The following KLHL2 variants were observed in gnomAD, a reference collection of about 807,000 sequenced individuals.
KLHL2 encodes the protein kelch like family member 2.
In KLHL2, 15 loss-of-function variants were observed where a neutral mutation model predicts 75.8. That is an observed-to-expected ratio of 0.20 (90% CI 0.13 to 0.30). KLHL2 has a LOEUF of 0.30. KLHL2 is among the 10% of genes least tolerant of loss of function. The pLI is 1.00. For synonymous variants in KLHL2, 214 were observed against 251.9 expected, an observed-to-expected ratio of 0.85 and a Z score of 1.42; for missense variants, 381 against 741.0, an observed-to-expected ratio of 0.51 and a Z score of 5.64.
At chr4:165,312,372 A>G (rs1207400736) in intron 11 of KLHL2, among the ~76,000 whole-genome samples, 4 of 152,208 alleles carry the variant, frequency 2.6e-5, no homozygotes, top group South Asian at 4.1e-4. Context: ...ATTTATTTAT[A>G]TCCTACTTTG....
chr4:165,271,464 T>C (rs1009047199), intron 5 of KLHL2, among the ~76,000 whole-genome samples: 1 of 152,218 alleles, frequency 6.6e-6, no homozygotes, highest in Non-Finnish European at 1.5e-5. Context: ...TCATTGTTCG[T>C]GTGTAGCAGT....
chr4:165,211,302 C>A (rs988432711), intron 1 of KLHL2, among the ~76,000 whole-genome samples: 1 of 152,128 alleles, frequency 6.6e-6, no homozygotes, highest in African/African-American at 2.4e-5. Flanking sequence ...ATTTTAGTAT[C>A]CTTCCTCAAA....
Position 165,303,502 on chromosome 4 carries a change from C to T in KLHL2, c.922-2106C>T, listed in dbSNP as rs958634034. Among the ~76,000 whole-genome samples the T allele has an allele frequency of 2.5e-4, 37 of 147,530 alleles. 2 individuals carry two copies. The highest frequency in any genetic ancestry group is 8.0e-4 in the Admixed American group (12 of 14,926). On this transcript the variant is annotated intron_variant, in intron 8 of 14. Coordinates refer to ENST00000226725, the MANE Select transcript of KLHL2 (RefSeq NM_007246.4). Reference sequence around the variant, plus strand: ...GTAATTTTTACAACCTTGCCCCCCCCGCCGTTTTTGGGTGGTCAGAGGTGA... The same window carrying T: ...GTAATTTTTACAACCTTGCCCCCCCTGCCGTTTTTGGGTGGTCAGAGGTGA...
At chr4:165,254,843 G>A (rs924526130) in intron 4 of KLHL2, among the ~76,000 whole-genome samples, 3 of 152,162 alleles carry the variant, frequency 2.0e-5, no homozygotes, top group Admixed American at 6.5e-5. Context: ...ATCAAAAAAG[G>A]AAGCTACCTA....
At chr4:165,320,214 A>G (rs10015240) in intron 14 of KLHL2, among the ~76,000 whole-genome samples, 69,017 of 152,010 alleles carry the variant, frequency 0.45, 16,257 homozygotes, top group African/African-American at 0.55. Flanking sequence ...GAAAGGGATA[A>G]GCTAACTCTA....
intron 5 of KLHL2, among the ~76,000 whole-genome samples, chr4:165,271,078 AATGTCATGCCTCTAG>A (rs1304879299): frequency 6.6e-6 from 1 of 152,198 alleles, no homozygotes; most frequent in Non-Finnish European, 1.5e-5. Flanking sequence ...GAAGTCAGGT[AATGTCATGCCTCTAG>A]ATTTGTTCTT....
chr4:165,305,409 C>T (rs968422358), intron 8 of KLHL2, among the ~76,000 whole-genome samples, 199 bp from the exon 9 acceptor site: 5 of 152,026 alleles, frequency 3.3e-5, no homozygotes, highest in Non-Finnish European at 7.4e-5. Flanking sequence ...ATGTGCTGGA[C>T]GATAGAATTG....
At chr4:165,276,215 T>C (rs1743081628) in intron 5 of KLHL2, among the ~76,000 whole-genome samples, 1 of 152,194 alleles carries the variant, frequency 6.6e-6, no homozygotes, top group Non-Finnish European at 1.5e-5. Flanking sequence ...CTGTTATTAG[T>C]TTATATATCC....
rs1374388696 is a variant in KLHL2, at chr4:165,237,283, C to T, written c.260-1495C>T. 2.0e-5 allele frequency among the ~76,000 whole-genome samples: 3 copies of T among 151,174 alleles called. No individual in the cohort carries two copies. The South Asian group carries it at 6.2e-4, about 31-fold the overall frequency. On this transcript the variant is annotated intron_variant, in intron 3 of 14. Transcript: ENST00000226725. ...GTATTCCTTGACCTTCCTTTTTCCTCCTTTCTGTAAGCAGGGGAAAAACAT... is the reference window on the plus strand; with the variant it reads ...GTATTCCTTGACCTTCCTTTTTCCTTCTTTCTGTAAGCAGGGGAAAAACAT...
intron 12 of KLHL2, among the ~76,000 whole-genome samples, chr4:165,313,624 T>A: frequency 6.6e-6 from 1 of 152,158 alleles, no homozygotes; most frequent in East Asian, 1.9e-4. Context: ...CTTTTAGTTT[T>A]TTGTTTTTAG....
At chr4:165,280,442 G>A (rs750006613) in intron 5 of KLHL2, among the ~76,000 whole-genome samples, 42 of 152,218 alleles carry the variant, frequency 2.8e-4, no homozygotes, top group Non-Finnish European at 4.6e-4. Flanking sequence ...ACATCGGTTA[G>A]AATAAGCTCA....
chr4:165,306,113 G>T lies in KLHL2; in HGVS notation c.1039+388G>T, dbSNP rs537245896. Among the ~76,000 whole-genome samples, 8 of 152,314 alleles carry T rather than the reference G, an allele frequency of 5.3e-5. No individual in the cohort carries two copies. In the East Asian group the frequency reaches 1.3e-3, roughly 26 times the overall value. On this transcript the variant is annotated intron_variant, in intron 9 of 14. Coordinates refer to ENST00000226725, the MANE Select transcript of KLHL2 (RefSeq NM_007246.4). The stretch of plus-strand genomic sequence containing the variant: ...CATAATTGCCTTCTTCAAGGCATCT[G>T]TTTTACAAACATTTGTTGAAATAGA...
chr4:165,213,111 C>T (rs1560972162), intron 1 of KLHL2, among the ~76,000 whole-genome samples: 1 of 152,216 alleles, frequency 6.6e-6, no homozygotes, highest in Non-Finnish European at 1.5e-5. Context: ...TGATTTCTCT[C>T]TCTTTCTTCA....
At chr4:165,234,106 C>G (rs1386524252) in intron 3 of KLHL2, among the ~76,000 whole-genome samples, 2 of 152,184 alleles carry the variant, frequency 1.3e-5, no homozygotes, top group Admixed American at 1.3e-4. Flanking sequence ...CAAACCAGAA[C>G]AAAACTGGCA....
intron 3 of KLHL2, among the ~76,000 whole-genome samples, chr4:165,238,346 T>G (rs1311001647): frequency 1.3e-5 from 2 of 152,194 alleles, no homozygotes. Context: ...TTTGTGTGTT[T>G]GTTGAAGGAG....
chr4:165,240,568 G>A (rs1237400465), intron 4 of KLHL2: 3 of 150,776 alleles, frequency 2.0e-5, no homozygotes, highest in South Asian at 2.1e-4. Flanking sequence ...GGAAGAAAGT[G>A]TTTGGTATAT....
intron 5 of KLHL2, among the ~76,000 whole-genome samples, chr4:165,291,345 A>G (rs1744489842): frequency 6.6e-6 from 1 of 152,120 alleles, no homozygotes; most frequent in Non-Finnish European, 1.5e-5. Flanking sequence ...ATGAAGTCCA[A>G]CTTAACCATT....
At chr4:165,278,265 T>C (rs1358888918) in intron 5 of KLHL2, 3 of 1,082,774 alleles carry the variant, frequency 2.8e-6, no homozygotes, top group South Asian at 1.2e-5. Context: ...CCTGCCGCCA[T>C]GGCAGCACCC....
intron 5 of KLHL2, among the ~76,000 whole-genome samples, chr4:165,288,785 C>A (rs1405164975): frequency 1.3e-5 from 2 of 150,746 alleles, no homozygotes; most frequent in Non-Finnish European, 2.9e-5. Context: ...TTTATACTCC[C>A]ACCAGCAGTA....
Sources: gnomAD v4.1 joint callset for allele counts (sites outside exome capture counted in the v4.1 genomes callset) on GRCh38, gnomAD v4.1.1 for gene constraint, MANE v1.5 for transcripts, NCBI Gene and HGNC (gene_info 2026-07-23, HGNC 2026-07-21) for gene names.